DIS3L2: variants seen among roughly 807,000 people sequenced by gnomAD.
DIS3L2 encodes DIS3 like 3'-5' exoribonuclease 2, also known as DIS3-like exonuclease 2.
DIS3L2 carries 34 observed loss-of-function variants against 97.5 expected under a neutral mutation model. The ratio of observed to expected loss-of-function variants is 0.35; its 90% confidence interval spans 0.27 to 0.46. DIS3L2 has a LOEUF of 0.46. Among genes scored for constraint, DIS3L2 ranks in the 20% least tolerant of loss-of-function variants. The pLI, the probability that DIS3L2 is intolerant of heterozygous loss-of-function variation, is 1.00. For missense variants in DIS3L2, 1,038 were observed against 1,146.0 expected (o/e 0.91, Z 1.36); for synonymous variants, 435 against 445.2 (o/e 0.98, Z 0.29).
intron 8 of DIS3L2, among the ~76,000 whole-genome samples, chr2:232,143,526 A>G (rs1420323511): frequency 7.2e-5 from 11 of 152,174 alleles, no homozygotes; most frequent in African/African-American, 2.7e-4. Context: ...TTCCAAATAC[A>G]TACATATTGA....
At chr2:231,986,804 C>T (rs972396688) in intron 1 of DIS3L2, among the ~76,000 whole-genome samples, 1 of 152,206 alleles carries the variant, frequency 6.6e-6, no homozygotes, top group Non-Finnish European at 1.5e-5. Context: ...TACTGTCTTT[C>T]ATTAATCTTT....
At chr2:231,968,504 A>G (rs1290741780) in intron 1 of DIS3L2, among the ~76,000 whole-genome samples, 2 of 152,336 alleles carry the variant, frequency 1.3e-5, no homozygotes. Flanking sequence ...ACTCAGCATA[A>G]TTGAGAGTCA....
At chr2:232,098,190 G>T (rs1697082965) in intron 6 of DIS3L2, among the ~76,000 whole-genome samples, 1 of 152,066 alleles carries the variant, frequency 6.6e-6, no homozygotes, top group East Asian at 1.9e-4. Context: ...GTTTACAAAA[G>T]AAATATACAC....
chr2:232,008,726 C>A (rs1360274076), intron 1 of DIS3L2, among the ~76,000 whole-genome samples: 1 of 152,058 alleles, frequency 6.6e-6, no homozygotes, highest in Non-Finnish European at 1.5e-5. Context: ...CTTGAATTTT[C>A]CCCTGGTGCC....
chr2:231,995,359 C>A (rs563279909), intron 1 of DIS3L2, among the ~76,000 whole-genome samples: 1 of 152,144 alleles, frequency 6.6e-6, no homozygotes, highest in Admixed American at 6.6e-5. Context: ...TTAGCTGGAC[C>A]CTATTGTGTG....
intron 12 of DIS3L2, among the ~76,000 whole-genome samples, chr2:232,261,365 G>A (rs115629880): frequency 6.6e-6 from 1 of 152,146 alleles, no homozygotes; most frequent in Non-Finnish European, 1.5e-5. Flanking sequence ...CCTCTGTTCT[G>A]CTCATTCCAA....
intron 13 of DIS3L2, among the ~76,000 whole-genome samples, chr2:232,282,051 A>G (rs1011374720): frequency 2.6e-5 from 4 of 151,124 alleles, no homozygotes; most frequent in Admixed American, 6.6e-5. Context: ...ACTGTGGAGC[A>G]GGAGGAAACC....
intron 6 of DIS3L2, among the ~76,000 whole-genome samples, chr2:232,102,542 G>A (rs1697233955): frequency 6.6e-6 from 1 of 152,122 alleles, no homozygotes; most frequent in Non-Finnish European, 1.5e-5. Flanking sequence ...ATTTTGAATG[G>A]TTCAGAAAAA....
downstream of DIS3L2, among the ~76,000 whole-genome samples, chr2:232,339,411 C>T (rs1696059190): frequency 6.6e-6 from 1 of 152,022 alleles, no homozygotes; most frequent in Admixed American, 6.6e-5. Flanking sequence ...GCTGTGATTG[C>T]CCAGGTGCCA....
At chr2:232,067,481 G>A (rs560614129) in intron 5 of DIS3L2, among the ~76,000 whole-genome samples, 1 of 152,144 alleles carries the variant, frequency 6.6e-6, no homozygotes, top group African/African-American at 2.4e-5. Context: ...TAATTTAATT[G>A]TGTTATAGTC....
rs538928131 is a variant in DIS3L2 at position 232,012,595 on chromosome 2, A to G, written c.-93-2240A>G. Among the ~76,000 whole-genome samples the G allele has an allele frequency of 2.0e-5, 3 of 151,918 alleles. No individual in the cohort carries two copies. The South Asian group carries it at 6.2e-4, about 32-fold the overall frequency. Reference sequence around the variant, plus strand: ...TCACTAGTGGTAGCATACCCTGATCATGGATCTGTCCTCACTTGGGAGCTC... The same window carrying G: ...TCACTAGTGGTAGCATACCCTGATCGTGGATCTGTCCTCACTTGGGAGCTC... On this transcript the variant is annotated intron_variant, in intron 1 of 20. Transcript: ENST00000325385.
At chr2:232,169,281 T>C (rs1357532123) in intron 9 of DIS3L2, among the ~76,000 whole-genome samples, 5 of 152,206 alleles carry the variant, frequency 3.3e-5, no homozygotes, top group African/African-American at 1.2e-4. Context: ...ATCAAACCTT[T>C]TTCAAACATT....
At chr2:232,332,112 C>T (rs1229403843) in intron 16 of DIS3L2, among the ~76,000 whole-genome samples, 2 of 150,946 alleles carry the variant, frequency 1.3e-5, no homozygotes, top group African/African-American at 2.4e-5. Flanking sequence ...GGTCCCCACC[C>T]ATCCCACCCG....
rs775136594 is a variant in DIS3L2, at chr2:232,210,421, C to T, written c.1204+16C>T. The T allele has an allele frequency of 1.9e-6, 3 of 1,610,444 alleles. No homozygotes were observed. The highest frequency in any genetic ancestry group is 2.2e-5 in the South Asian group (2 of 90,996). ...CTCGCTGACGGTAGGATGGAAATTT[C>T]TATAGCATCTTGGGTAGCAGGCAGT... On this transcript the variant is annotated intron_variant, in intron 10 of 20. Coordinates refer to ENST00000325385, the MANE Select transcript of DIS3L2 (RefSeq NM_152383.5).
intron 8 of DIS3L2, among the ~76,000 whole-genome samples, chr2:232,138,494 A>G (rs1414628287): frequency 6.6e-6 from 1 of 152,192 alleles, no homozygotes; most frequent in African/African-American, 2.4e-5. Flanking sequence ...TTTAAGAAAT[A>G]AAACATGGTA....
chr2:232,143,582 A>T (rs538124169), intron 8 of DIS3L2, among the ~76,000 whole-genome samples: 1 of 152,226 alleles, frequency 6.6e-6, no homozygotes, highest in Non-Finnish European at 1.5e-5. Flanking sequence ...TGAAAATGAA[A>T]ATTTCCCAGA....
intron 6 of DIS3L2, among the ~76,000 whole-genome samples, chr2:232,100,480 C>T (rs1416181781): frequency 6.6e-6 from 1 of 151,826 alleles, no homozygotes; most frequent in East Asian, 1.9e-4. Context: ...TTAATTTTAA[C>T]TTTTCTTGTT....
At chr2:232,107,487 G>A (rs1403393569) in intron 6 of DIS3L2, among the ~76,000 whole-genome samples, 1 of 152,038 alleles carries the variant, frequency 6.6e-6, no homozygotes, top group Non-Finnish European at 1.5e-5. Context: ...ATCACTTGAT[G>A]CAGGAGTTTG....
At chr2:232,113,105 G>A (rs1697588640) in intron 6 of DIS3L2, among the ~76,000 whole-genome samples, 1 of 152,130 alleles carries the variant, frequency 6.6e-6, no homozygotes, top group Non-Finnish European at 1.5e-5. Flanking sequence ...TTACAGAAAG[G>A]AGACTTGTCA....
Sources: gnomAD v4.1 joint callset for allele counts (sites outside exome capture counted in the v4.1 genomes callset) on GRCh38, gnomAD v4.1.1 for gene constraint, MANE v1.5 for transcripts, NCBI Gene and HGNC (gene_info 2026-07-23, HGNC 2026-07-21) for gene names.